The following NRXN3 variants were observed in gnomAD, a reference collection of about 807,000 sequenced individuals.
The protein encoded by NRXN3 is neurexin 3.
NRXN3 carries 32 observed loss-of-function variants against 137.6 expected under a neutral mutation model. That is an observed-to-expected ratio of 0.23 (90% CI 0.18 to 0.31). NRXN3 has a LOEUF of 0.31. NRXN3 is among the 10% of genes least tolerant of loss of function. NRXN3 has a pLI of 1.00. For synonymous variants in NRXN3, 798 were observed against 784.5 expected (o/e 1.02, Z -0.29); for missense variants, 1,574 against 2,062.5 (o/e 0.76, Z 4.59).
intron 15 of NRXN3, among the ~76,000 whole-genome samples, chr14:79,005,876 C>A (rs925897249): frequency 5.3e-5 from 8 of 152,116 alleles, no homozygotes; most frequent in Non-Finnish European, 1.0e-4. Flanking sequence ...GGGTTTCTTA[C>A]TCTCTTTCCT....
At chr14:78,188,150 C>G (rs12895757) in intron 1 of NRXN3, among the ~76,000 whole-genome samples, 48,999 of 151,912 alleles carry the variant, frequency 0.32, 8,762 homozygotes, top group Non-Finnish European at 0.39. Context: ...CATCCGGGAC[C>G]AAAAACAGGA....
At chr14:79,633,545 C>T (rs1458587959) in intron 16 of NRXN3, among the ~76,000 whole-genome samples, 1 of 151,918 alleles carries the variant, frequency 6.6e-6, no homozygotes, top group Non-Finnish European at 1.5e-5. Context: ...ATGTGTCACT[C>T]AGAATAAGTG....
chr14:78,844,077 C>G (rs1449476135), intron 10 of NRXN3, among the ~76,000 whole-genome samples: 1 of 152,090 alleles, frequency 6.6e-6, no homozygotes, highest in Non-Finnish European at 1.5e-5. Context: ...TTAGTCCCTC[C>G]AGAGGCTCTC....
At chr14:79,699,148 C>T (rs1417536372) in intron 19 of NRXN3, among the ~76,000 whole-genome samples, 17 of 151,770 alleles carry the variant, frequency 1.1e-4, no homozygotes, top group Admixed American at 2.6e-4. Flanking sequence ...GTACTGTTAC[C>T]GTCACACATG....
At chr14:79,064,638 A>G (rs905476979) in intron 15 of NRXN3, among the ~76,000 whole-genome samples, 2 of 150,190 alleles carry the variant, frequency 1.3e-5, no homozygotes, top group African/African-American at 4.9e-5. Flanking sequence ...TATATATAAA[A>G]CTAGCATATT....
chr14:78,997,151 G>A (rs887635101), intron 15 of NRXN3, among the ~76,000 whole-genome samples: 4 of 152,060 alleles, frequency 2.6e-5, no homozygotes, highest in African/African-American at 9.7e-5. Flanking sequence ...AAATAAGCTG[G>A]GACTCATAGG....
At chr14:79,344,154 TCTACTGAGGCAAG>T (rs773773994) in intron 15 of NRXN3, among the ~76,000 whole-genome samples, 2 of 152,138 alleles carry the variant, frequency 1.3e-5, no homozygotes, top group Admixed American at 6.5e-5. Context: ...TTATCTATAT[TCTACTGAGGCAAG>T]CCCTGAAGTC....
chr14:78,512,588 T>C (rs2096129168), intron 4 of NRXN3, among the ~76,000 whole-genome samples: 1 of 152,136 alleles, frequency 6.6e-6, no homozygotes, highest in African/African-American at 2.4e-5. Context: ...TCAAAACCCT[T>C]AGGTGGCAAT....
chr14:78,853,129 A>G (rs2099047495), intron 10 of NRXN3, among the ~76,000 whole-genome samples: 1 of 152,140 alleles, frequency 6.6e-6, no homozygotes, highest in African/African-American at 2.4e-5. Context: ...CAGGTTTGTT[A>G]CATATGTATA....
At chr14:78,395,063 G>A (rs1217135923) in intron 4 of NRXN3, among the ~76,000 whole-genome samples, 2 of 151,310 alleles carry the variant, frequency 1.3e-5, no homozygotes, top group African/African-American at 2.4e-5. Context: ...ACTTTCATTA[G>A]TTGTTGCTTT....
chr14:79,776,704 C>T (rs1480242689), intron 19 of NRXN3, among the ~76,000 whole-genome samples: 1 of 152,112 alleles, frequency 6.6e-6, no homozygotes, highest in Non-Finnish European at 1.5e-5. Context: ...ACTGAGAAGA[C>T]AAAGAATGTG....
intron 15 of NRXN3, among the ~76,000 whole-genome samples, chr14:79,362,005 T>A (rs969138719): frequency 6.9e-6 from 1 of 145,338 alleles, no homozygotes; most frequent in African/African-American, 2.5e-5. Context: ...TAATTATTAT[T>A]ATTATTATTA....
intron 8 of NRXN3, among the ~76,000 whole-genome samples, chr14:78,748,764 A>T (rs1206806652): frequency 6.6e-6 from 1 of 152,224 alleles, no homozygotes; most frequent in African/African-American, 2.4e-5. Context: ...CACTGTTCAT[A>T]GGAGATTTAA....
chr14:78,965,822 C>G (rs1369141352), intron 11 of NRXN3, among the ~76,000 whole-genome samples: 2 of 152,162 alleles, frequency 1.3e-5, no homozygotes, highest in African/African-American at 4.8e-5. Context: ...TGCTGAGCAG[C>G]TGCGTGACAG....
chr14:79,494,957 G>A (rs963318688), intron 16 of NRXN3, among the ~76,000 whole-genome samples: 1 of 152,108 alleles, frequency 6.6e-6, no homozygotes, highest in Admixed American at 6.6e-5. Flanking sequence ...CTTTTTAATT[G>A]AAAGAATTAT....
intron 6 of NRXN3, among the ~76,000 whole-genome samples, chr14:78,677,096 A>G (rs551140169): frequency 5.1e-4 from 78 of 152,302 alleles, no homozygotes; most frequent in African/African-American, 1.8e-3. Context: ...CTAACACAAC[A>G]TCATTCTGCA....
chr14:78,640,171 C>T lies in NRXN3; in HGVS notation c.758-4949C>T, dbSNP rs113529497. 5.0e-3 allele frequency among the ~76,000 whole-genome samples: 762 copies of T among 152,262 alleles called. 7 individuals carry two copies. The highest frequency in any genetic ancestry group is 0.017 in the African/African-American group (721 of 41,542). The stretch of plus-strand genomic sequence containing the variant: ...CTCTCTTAGGTTGTTCTGCTAGGAA[C>T]TTCTGCTTACATTCTTGCCCAGTGA... On this transcript the variant is annotated intron_variant, in intron 4 of 20. Transcript: ENST00000335750.
At chr14:78,287,756 G>A (rs1207210424) in intron 3 of NRXN3, among the ~76,000 whole-genome samples, 2 of 152,062 alleles carry the variant, frequency 1.3e-5, no homozygotes, top group East Asian at 3.8e-4. Context: ...TGAAGACAGG[G>A]CTTTTGCCTT....
chr14:78,838,904 G>T (rs1371820544), intron 10 of NRXN3, among the ~76,000 whole-genome samples: 1 of 152,256 alleles, frequency 6.6e-6, no homozygotes, highest in Middle Eastern at 3.4e-3. Flanking sequence ...GTCCAAAAGA[G>T]ATGAAGCTCA....
Sources: allele counts gnomAD v4.1 joint callset (sites outside exome capture counted in the v4.1 genomes callset), GRCh38; gene constraint gnomAD v4.1.1; transcripts MANE v1.5; gene names NCBI Gene and HGNC (gene_info 2026-07-23, HGNC 2026-07-21).